Variants in JMJD1C observed in about 807,000 individuals in gnomAD.
JMJD1C encodes jumonji domain-containing protein 1C.
A neutral mutation model predicts 245.3 loss-of-function variants in JMJD1C; 31 were observed. The observed-to-expected ratio is 0.13, with a 90% CI of 0.09 to 0.17. The LOEUF (loss-of-function observed/expected upper bound fraction) is 0.17, where lower values mean the gene tolerates loss of function less well. Among genes scored for constraint, JMJD1C ranks in the 10% least tolerant of loss-of-function variants. The pLI is 1.00. For synonymous variants in JMJD1C, 1,057 were observed against 1,017.4 expected, an observed-to-expected ratio of 1.04 and a Z score of -0.74; for missense variants, 2,691 against 3,000.2, an observed-to-expected ratio of 0.90 and a Z score of 2.41.
At chr10:63,403,044 G>A (rs577535028) in intron 1 of JMJD1C, among the ~76,000 whole-genome samples, 6 of 152,108 alleles carry the variant, frequency 3.9e-5, no homozygotes, top group Non-Finnish European at 8.8e-5. Context: ...TTGAAATAAT[G>A]TTTGAAACCA....
intron 1 of JMJD1C, among the ~76,000 whole-genome samples, chr10:63,416,839 T>C (rs1949836970): frequency 6.6e-6 from 1 of 152,260 alleles, no homozygotes; most frequent in Non-Finnish European, 1.5e-5. Flanking sequence ...TACAAAACTC[T>C]AATTTTCCTT....
At chr10:63,226,694 G>A (rs972971917) in intron 3 of JMJD1C, among the ~76,000 whole-genome samples, 8 of 118,462 alleles carry the variant, frequency 6.8e-5, no homozygotes, top group East Asian at 2.5e-4. Context: ...CAGCCTGGGC[G>A]ACAAAGCACA....
intron 2 of JMJD1C, among the ~76,000 whole-genome samples, chr10:63,333,273 G>C (rs966230466): frequency 6.6e-6 from 1 of 152,080 alleles, no homozygotes; most frequent in Non-Finnish European, 1.5e-5. Flanking sequence ...AGAAAGGCAG[G>C]GCTGGGTGTG....
chr10:63,473,650 A>C (rs1248928067), intron 1 of JMJD1C, among the ~76,000 whole-genome samples: 1 of 152,194 alleles, frequency 6.6e-6, no homozygotes, highest in East Asian at 1.9e-4. Context: ...ATATGAACTT[A>C]TTGTTGTAAA....
At chr10:63,478,807 C>G (rs1486974520) in intron 1 of JMJD1C, among the ~76,000 whole-genome samples, 2 of 152,140 alleles carry the variant, frequency 1.3e-5, no homozygotes, top group Non-Finnish European at 2.9e-5. Context: ...TCCAGACCCC[C>G]CAGAGGTCAA....
intron 1 of JMJD1C, among the ~76,000 whole-genome samples, chr10:63,406,445 T>C (rs1170247712): frequency 6.6e-6 from 1 of 152,158 alleles, no homozygotes; most frequent in Non-Finnish European, 1.5e-5. Flanking sequence ...AAAAGTTTAA[T>C]AATCCATCAA....
intron 1 of JMJD1C, among the ~76,000 whole-genome samples, chr10:63,507,428 G>A (rs575082281): frequency 6.6e-6 from 1 of 151,946 alleles, no homozygotes; most frequent in Non-Finnish European, 1.5e-5. Flanking sequence ...GGGATCACCG[G>A]AAGTCAGGAG....
At chr10:63,337,643 T>A (rs1942971837) in intron 2 of JMJD1C, among the ~76,000 whole-genome samples, 1 of 91,100 alleles carries the variant, frequency 1.1e-5, no homozygotes, top group Non-Finnish European at 2.6e-5. Flanking sequence ...AGAAAAAAAA[T>A]CCGCTATTGT....
At chr10:63,513,158 A>C (rs1398532682) in intron 1 of JMJD1C, among the ~76,000 whole-genome samples, 1 of 152,050 alleles carries the variant, frequency 6.6e-6, no homozygotes, top group African/African-American at 2.4e-5. Flanking sequence ...AAAGCCACAT[A>C]CCTACAGCCA....
intron 1 of JMJD1C, 50 bp downstream of exon 1, chr10:63,465,445 G>A (rs765871606): frequency 4.6e-6 from 7 of 1,516,656 alleles, no homozygotes; most frequent in South Asian, 3.8e-5. Flanking sequence ...ACGTCTGCGA[G>A]AGCCGGGTGC....
intron 2 of JMJD1C, among the ~76,000 whole-genome samples, chr10:63,316,482 C>T (rs567215671): frequency 6.6e-6 from 1 of 152,106 alleles, no homozygotes; most frequent in African/African-American, 2.4e-5. Flanking sequence ...CAGAGTTTCG[C>T]TCCTCTCCAG....
chr10:63,168,111 T>C lies in JMJD1C; in HGVS notation c.7557A>G (p.Ala2519=). The C allele has an allele frequency of 6.2e-7, 1 of 1,604,182 alleles. No individual in the cohort carries two copies. The change falls in exon 26 of 26, where the codon GCA becomes GCG. Residue 2519 remains alanine, a synonymous_variant. Coordinates refer to ENST00000399262, the MANE Select transcript of JMJD1C (RefSeq NM_032776.3). ...TCAAGGCTCTCACCATTTCTTTGACTGCATGATACAAAATATTTTTAACCT... is the reference window on the plus strand; with the variant it reads ...TCAAGGCTCTCACCATTTCTTTGACCGCATGATACAAAATATTTTTAACCT... The part of the protein sequence containing the change: ...KLQVKNILYH[A]VKEMVRALKI...
chr10:63,250,292 T>C (rs938602528), intron 3 of JMJD1C, among the ~76,000 whole-genome samples: 4 of 152,180 alleles, frequency 2.6e-5, no homozygotes, highest in African/African-American at 9.7e-5. Flanking sequence ...GGTAGGATTA[T>C]AGGCTTAAGC....
At chr10:63,434,545 A>G (rs1164181841) in intron 1 of JMJD1C, among the ~76,000 whole-genome samples, 1 of 152,078 alleles carries the variant, frequency 6.6e-6, no homozygotes, top group African/African-American at 2.4e-5. Context: ...AGAGAGGAAG[A>G]TTTCCAGAGG....
At chr10:63,515,021 A>G (rs1431352109) in intron 1 of JMJD1C, among the ~76,000 whole-genome samples, 1 of 152,058 alleles carries the variant, frequency 6.6e-6, no homozygotes, top group Non-Finnish European at 1.5e-5. Context: ...GAGGAGAAGC[A>G]TTCTATAGGC....
chr10:63,503,685 T>C (rs1035294757), intron 1 of JMJD1C, among the ~76,000 whole-genome samples: 1 of 152,252 alleles, frequency 6.6e-6, no homozygotes, highest in African/African-American at 2.4e-5. Flanking sequence ...AAGCTAAAGT[T>C]GACTCAACAT....
chr10:63,169,357 A>G (rs1452628190), intron 24 of JMJD1C, among the ~76,000 whole-genome samples: 1 of 152,226 alleles, frequency 6.6e-6, no homozygotes, highest in Non-Finnish European at 1.5e-5. Context: ...AAGCTGATCC[A>G]ATCTGGGATT....
intron 1 of JMJD1C, among the ~76,000 whole-genome samples, chr10:63,444,351 G>A (rs1479594666): frequency 6.6e-6 from 1 of 152,016 alleles, no homozygotes; most frequent in Non-Finnish European, 1.5e-5. Context: ...TCGACTCACC[G>A]CAACCTCCGC....
At chr10:63,200,171 T>C (rs1474020904) in intron 11 of JMJD1C, among the ~76,000 whole-genome samples, 2 of 152,184 alleles carry the variant, frequency 1.3e-5, no homozygotes, top group Admixed American at 1.3e-4. Flanking sequence ...TTTGGTAATA[T>C]TCATATTAAG....
Sources: gnomAD v4.1 joint callset for allele counts (sites outside exome capture counted in the v4.1 genomes callset) on GRCh38, gnomAD v4.1.1 for gene constraint, MANE v1.5 for transcripts, NCBI Gene and HGNC (gene_info 2026-07-23, HGNC 2026-07-21) for gene names.